HDX: variants seen among roughly 807,000 people sequenced by gnomAD.
HDX encodes the protein chromosome X open reading frame 43.
A neutral mutation model predicts 45.2 loss-of-function variants in HDX; 19 were observed. The observed-to-expected ratio is 0.42, with a 90% confidence interval of 0.29 to 0.62. HDX has a LOEUF of 0.62. Among genes scored for constraint, HDX ranks in the 20% least tolerant of loss-of-function variants. HDX has a pLI of 0.20. For synonymous variants in HDX, 188 were observed against 172.8 expected (o/e 1.09, Z -0.69); for missense variants, 532 against 493.9 (o/e 1.08, Z -0.73).
intron 4 of HDX, among the ~76,000 whole-genome samples, chrX:84,447,559 T>G (rs1272719010): frequency 9.0e-6 from 1 of 111,092 alleles, no homozygotes; most frequent in African/African-American, 3.3e-5. Context: ...GTGACAGCAT[T>G]GCTCCAGAGA....
chrX:84,401,630 T>C (rs1766040550), intron 5 of HDX, among the ~76,000 whole-genome samples: 1 of 111,556 alleles, frequency 9.0e-6, no homozygotes, highest in Non-Finnish European at 1.9e-5. Context: ...AGTTCAACCA[T>C]CGTGGGAGAC....
At chrX:84,391,612 G>A (rs763590159) in intron 5 of HDX, among the ~76,000 whole-genome samples, 3 of 111,134 alleles carry the variant, frequency 2.7e-5, no homozygotes, top group South Asian at 7.4e-4. Context: ...ACTAACATTT[G>A]TTATTTTTTG....
chrX:84,467,101 C>A (rs2040365095), intron 4 of HDX, among the ~76,000 whole-genome samples: 1 of 111,066 alleles, frequency 9.0e-6, no homozygotes, highest in Non-Finnish European at 1.9e-5. Context: ...AGGGCACACA[C>A]ATAAAAATGA....
intron 5 of HDX, among the ~76,000 whole-genome samples, chrX:84,375,508 C>T (rs759324744): frequency 5.4e-5 from 6 of 111,785 alleles, no homozygotes; most frequent in Admixed American, 9.5e-5. Flanking sequence ...ATGTCCAAAA[C>T]GATAGACTGG....
chrX:84,356,978 C>G (rs2037503257), intron 6 of HDX, among the ~76,000 whole-genome samples: 1 of 110,921 alleles, frequency 9.0e-6, no homozygotes, highest in Admixed American at 9.6e-5. Context: ...AGATTCTGTC[C>G]GTGTCTCCTC....
chrX:84,469,223 A>G lies in HDX; in HGVS notation c.500T>C (p.Leu167Pro), dbSNP rs2040411060. 1 of 1,209,351 alleles carries G rather than the reference A, an allele frequency of 8.3e-7. No individual in the cohort carries two copies. Among genetic ancestry groups the G allele is most frequent in the African/African-American group, 1.7e-5 (1 of 57,229 alleles). Residue 167 changes from leucine (L) to proline (P), a missense_variant, in exon 4 of 11, where the codon CTA becomes CCA. By Grantham distance (98) the Leu-to-Pro change is moderately conservative. This residue lies in a region of HDX where 376 missense variants were observed against 343.7 expected (regional missense o/e 1.09). Coordinates refer to ENST00000373177, the MANE Select transcript of HDX (RefSeq NM_001177479.2). ...RQVAHCKNAS[L>P]LLGEKTIILS... ...AATAATTGTTTTTTCACCTAGGAGT[A>G]GGGAAGCATTTTTACAGTGTGCTAC...
chrX:84,410,894 G>A (rs1391885152), intron 5 of HDX, among the ~76,000 whole-genome samples: 1 of 111,346 alleles, frequency 9.0e-6, no homozygotes, highest in African/African-American at 3.3e-5. Context: ...TTAAATCTTG[G>A]AGGGTTGTAT....
intron 5 of HDX, among the ~76,000 whole-genome samples, chrX:84,381,239 C>T (rs757542025): frequency 1.4e-4 from 16 of 110,829 alleles, no homozygotes; most frequent in Admixed American, 6.7e-4. Flanking sequence ...TGTTCATCGA[C>T]GGAAATAATC....
chrX:84,497,243 G>C (rs2041021189), intron 1 of HDX, among the ~76,000 whole-genome samples: 1 of 109,501 alleles, frequency 9.1e-6, no homozygotes, highest in Non-Finnish European at 1.9e-5. Context: ...ATTAGTACAA[G>C]GGGATTTCAA....
chrX:84,331,236 T>A (rs1416152430), intron 9 of HDX, among the ~76,000 whole-genome samples: 1 of 111,611 alleles, frequency 9.0e-6, no homozygotes, highest in Non-Finnish European at 1.9e-5. Flanking sequence ...TCTAGTGATG[T>A]ATCTCAGTCA....
At chrX:84,412,046 C>A (rs866065753) in intron 5 of HDX, among the ~76,000 whole-genome samples, 4 of 111,367 alleles carry the variant, frequency 3.6e-5, no homozygotes, top group South Asian at 7.4e-4. Flanking sequence ...TTCTTTGAGC[C>A]TATGGGTGTC....
At chrX:84,410,426 A>ATG (rs200260472) in intron 5 of HDX, among the ~76,000 whole-genome samples, 16 of 110,276 alleles carry the variant, frequency 1.5e-4, no homozygotes, top group Non-Finnish European at 2.3e-4. Flanking sequence ...ATTTGTGTGT[A>ATG]TGTGTGTGTG....
At chrX:84,481,201 T>C (rs755724891) in intron 2 of HDX, among the ~76,000 whole-genome samples, 6 of 111,504 alleles carry the variant, frequency 5.4e-5, no homozygotes, top group Non-Finnish European at 9.4e-5. Context: ...TTCTTCTTGA[T>C]ATTGGTAAAT....
rs1233662735 is a variant in HDX, at chrX:84,371,079, G to A, written c.1306-9467C>T. Among the ~76,000 whole-genome samples the A allele has an allele frequency of 5.4e-5, 6 of 111,826 alleles. No homozygotes were observed. The East Asian group carries it at 1.4e-3, about 26-fold the overall frequency. ...AACATTTAAAGCCAGAAATAGCATA[G>A]GTTTTTATTATGTGGAGCACATCGT... On this transcript the variant is annotated intron_variant, in intron 5 of 10. Coordinates refer to ENST00000373177, the MANE Select transcript of HDX (RefSeq NM_001177479.2).
chrX:84,404,676 C>A (rs758268392), intron 5 of HDX, among the ~76,000 whole-genome samples: 1 of 110,961 alleles, frequency 9.0e-6, no homozygotes, highest in Admixed American at 9.7e-5. Context: ...AAGGAGAAAG[C>A]AGGGGGTGTC....
intron 1 of HDX, among the ~76,000 whole-genome samples, chrX:84,491,767 T>C (rs189430973): frequency 9.0e-6 from 1 of 111,673 alleles, no homozygotes; most frequent in East Asian, 2.8e-4. Context: ...ATTTGCTCCA[T>C]TACTCAGGCA....
intron 5 of HDX, among the ~76,000 whole-genome samples, chrX:84,438,467 C>T (rs569966175): frequency 1.8e-5 from 2 of 109,943 alleles, no homozygotes; most frequent in South Asian, 3.9e-4. Flanking sequence ...AACAGTGAGG[C>T]TTCAGGTCCC....
rs776253258 is a variant in HDX, at chrX:84,371,818, C to T, written c.1306-10206G>A. On this transcript the variant is annotated intron_variant, in intron 5 of 10. Coordinates refer to ENST00000373177, the MANE Select transcript of HDX (RefSeq NM_001177479.2). ...TGAAATTAAATGTGGGGGCCTAGTACCCTGCTGCGAAGTTCTAGAATTGAA... is the reference window on the plus strand; with the variant it reads ...TGAAATTAAATGTGGGGGCCTAGTATCCTGCTGCGAAGTTCTAGAATTGAA... Among the ~76,000 whole-genome samples, 5 of 111,407 alleles carry T rather than the reference C, an allele frequency of 4.5e-5. No homozygotes were observed. In the East Asian group the frequency reaches 1.1e-3, roughly 25 times the overall value.
chrX:84,398,421 A>G (rs1363312173), intron 5 of HDX, among the ~76,000 whole-genome samples: 1 of 111,734 alleles, frequency 8.9e-6, no homozygotes, highest in East Asian at 2.8e-4. Flanking sequence ...AGGGATTCCA[A>G]TCCTAGTCTC....
Sources: gnomAD v4.1 joint callset for allele counts (sites outside exome capture counted in the v4.1 genomes callset) on GRCh38, gnomAD v4.1.1 for gene constraint, gnomAD v4.1.1 regional missense constraint, MANE v1.5 for transcripts, NCBI Gene and HGNC (gene_info 2026-07-23, HGNC 2026-07-21) for gene names.